ADAMTSL3: variants seen among roughly 807,000 people sequenced by gnomAD.
ADAMTSL3 encodes the protein ADAMTS like 3.
Under a neutral mutation model 201.7 loss-of-function variants are expected in ADAMTSL3, and 128 were observed. The ratio of observed to expected loss-of-function variants is 0.63; its 90% CI spans 0.55 to 0.73. ADAMTSL3 has a LOEUF of 0.73. Ranked by LOEUF, ADAMTSL3 falls within the 30% of genes least tolerant of loss-of-function variation. ADAMTSL3 has a pLI of 0.00. For missense variants in ADAMTSL3, 1,990 were observed against 2,119.6 expected (o/e 0.94, Z 1.20); for synonymous variants, 738 against 748.4 (o/e 0.99, Z 0.23).
intron 16 of ADAMTSL3, among the ~76,000 whole-genome samples, chr15:83,919,233 G>C (rs2066092930): frequency 6.6e-6 from 1 of 152,154 alleles, no homozygotes; most frequent in South Asian, 2.1e-4. Context: ...CAGGGGCATG[G>C]ACAAGAATTT....
At chr15:84,005,593 C>T (rs573824923) in intron 23 of ADAMTSL3, among the ~76,000 whole-genome samples, 29 of 152,332 alleles carry the variant, frequency 1.9e-4, no homozygotes, top group African/African-American at 7.0e-4. Flanking sequence ...CAGCAGTGAA[C>T]TGTGTGGTGC....
In ADAMTSL3 at chr15:84,039,230, G is replaced by A. The variant is rs940234983; in HGVS notation, c.*1424G>A. 2.6e-5 allele frequency: 4 copies of A among 152,658 alleles called. No homozygotes were observed. The highest frequency in any genetic ancestry group is 4.4e-5 in the Non-Finnish European group (3 of 68,070). 9.5% of individuals were successfully genotyped at this position (152,658 alleles called of 1,614,324 possible). A position where few individuals can be genotyped will look rare whatever the true frequency, so the allele number is the denominator to read the frequency against. ...CTGCCTACATCTTCTTGGCAACAAAGTTACCTGCCACAGGCTCTGCTGAGC... is the reference window on the plus strand; with the variant it reads ...CTGCCTACATCTTCTTGGCAACAAAATTACCTGCCACAGGCTCTGCTGAGC... On this transcript the variant is annotated 3_prime_UTR_variant, in exon 30 of 30. Coordinates refer to ENST00000286744, the MANE Select transcript of ADAMTSL3 (RefSeq NM_207517.3).
At chr15:83,666,172 T>A (rs963387970) in intron 2 of ADAMTSL3, among the ~76,000 whole-genome samples, 4 of 152,160 alleles carry the variant, frequency 2.6e-5, no homozygotes, top group African/African-American at 4.8e-5. Flanking sequence ...ATTTAAAAAA[T>A]TTAATATTAT....
intron 23 of ADAMTSL3, among the ~76,000 whole-genome samples, chr15:84,004,357 A>C (rs773099862): frequency 6.6e-6 from 1 of 152,200 alleles, no homozygotes; most frequent in Non-Finnish European, 1.5e-5. Flanking sequence ...TCTAATGTGC[A>C]GCCAAGGTTA....
chr15:84,003,659 C>T (rs2067840728), intron 23 of ADAMTSL3, among the ~76,000 whole-genome samples: 1 of 152,032 alleles, frequency 6.6e-6, no homozygotes, highest in Non-Finnish European at 1.5e-5. Flanking sequence ...TTTTGAATGC[C>T]CTATACCACT....
At chr15:83,867,361 A>G (rs934460917) in intron 8 of ADAMTSL3, among the ~76,000 whole-genome samples, 1 of 152,218 alleles carries the variant, frequency 6.6e-6, no homozygotes, top group Non-Finnish European at 1.5e-5. Context: ...TGGGGAGCAC[A>G]CAGCCCCAAA....
At chr15:84,014,781 G>C (rs991911619) in intron 24 of ADAMTSL3, 57 bp downstream of exon 24, 3 of 1,506,108 alleles carry the variant, frequency 2.0e-6, no homozygotes, top group African/African-American at 1.4e-5. Flanking sequence ...CACAAAGTAG[G>C]CCCCAGTTTT....
At chr15:83,713,809 T>C (rs144286214) in intron 3 of ADAMTSL3, among the ~76,000 whole-genome samples, 1,725 of 152,318 alleles carry the variant, frequency 0.011, 14 homozygotes, top group South Asian at 0.022. Flanking sequence ...TTCCTTTTGT[T>C]TGGCCAATTC....
chr15:83,663,520 TTGAG>T (rs1221882177), intron 2 of ADAMTSL3, among the ~76,000 whole-genome samples: 1 of 152,248 alleles, frequency 6.6e-6, no homozygotes, highest in Non-Finnish European at 1.5e-5. Flanking sequence ...CTTTGCTTAC[TTGAG>T]TATTTCCTTA....
At chr15:84,019,629 C>T (rs1432103398) in intron 25 of ADAMTSL3, among the ~76,000 whole-genome samples, 2 of 152,104 alleles carry the variant, frequency 1.3e-5, no homozygotes, top group East Asian at 3.9e-4. Context: ...CGCAGTGGCT[C>T]ACACCTGTAA....
At chr15:84,025,145 T>C in intron 26 of ADAMTSL3, 93 bp from the exon 27 acceptor site, 1 of 1,047,560 alleles carries the variant, frequency 9.5e-7, no homozygotes, top group Non-Finnish European at 1.4e-6. Flanking sequence ...AAGATAGCCA[T>C]GGTGTTGGGA....
chr15:83,834,688 T>G (rs1480740870), intron 6 of ADAMTSL3, among the ~76,000 whole-genome samples: 1 of 152,234 alleles, frequency 6.6e-6, no homozygotes, highest in Non-Finnish European at 1.5e-5. Flanking sequence ...TACTCATATA[T>G]TTTAAATATT....
intron 19 of ADAMTSL3, among the ~76,000 whole-genome samples, chr15:83,952,015 C>T (rs1448681356): frequency 6.6e-6 from 1 of 151,942 alleles, no homozygotes; most frequent in East Asian, 1.9e-4. Flanking sequence ...GGTTGTTTTG[C>T]TCTTGATTTT....
Position 83,691,759 on chromosome 15 carries a change from C to A in ADAMTSL3, c.70-12630C>A, listed in dbSNP as rs142150593. 4.1e-3 allele frequency among the ~76,000 whole-genome samples: 627 copies of A among 152,222 alleles called. 4 individuals are homozygous for A. The highest frequency in any genetic ancestry group is 0.014 in the African/African-American group (595 of 41,522). ...CCTCCCGAGTAGCTGGGATTACAGG[C>A]GCCTGCCACCATGCCCAGCTAATTT... is the stretch of plus-strand genomic sequence containing the variant. On this transcript the variant is annotated intron_variant, in intron 2 of 29. Coordinates refer to ENST00000286744, the MANE Select transcript of ADAMTSL3 (RefSeq NM_207517.3).
intron 15 of ADAMTSL3, among the ~76,000 whole-genome samples, chr15:83,904,064 G>A (rs758012071): frequency 6.6e-6 from 1 of 151,372 alleles, no homozygotes; most frequent in Admixed American, 6.6e-5. Context: ...CTTCCTCCTC[G>A]TATTCACAGA....
At chr15:83,892,943 T>G in intron 13 of ADAMTSL3, 55 bp downstream of exon 13, 1 of 1,522,664 alleles carries the variant, frequency 6.6e-7, no homozygotes, top group Non-Finnish European at 9.0e-7. Flanking sequence ...AAGGGATATT[T>G]TCTATATGCC....
chr15:83,885,755 CG>C (rs2065376093), intron 10 of ADAMTSL3, among the ~76,000 whole-genome samples: 1 of 151,340 alleles, frequency 6.6e-6, no homozygotes, highest in Non-Finnish European at 1.5e-5. Context: ...TTTTGAGTCT[CG>C]CTCTGTCGCC....
intron 20 of ADAMTSL3, among the ~76,000 whole-genome samples, chr15:83,979,707 A>C (rs1246101876): frequency 1.3e-5 from 2 of 152,262 alleles, no homozygotes; most frequent in Non-Finnish European, 2.9e-5. Context: ...TGCTAAAACC[A>C]GAAAGAAATC....
At chr15:83,920,005 TTGAGGTAA>T (rs952382718) in intron 16 of ADAMTSL3, among the ~76,000 whole-genome samples, 42 of 152,318 alleles carry the variant, frequency 2.8e-4, no homozygotes, top group African/African-American at 9.6e-4. Context: ...TGACAGATGT[TTGAGGTAA>T]TGAGGTAATT....
Sources: allele counts gnomAD v4.1 joint callset (sites outside exome capture counted in the v4.1 genomes callset), GRCh38; gene constraint gnomAD v4.1.1; transcripts MANE v1.5; gene names NCBI Gene and HGNC (gene_info 2026-07-23, HGNC 2026-07-21).